EYS: variants seen among roughly 807,000 people sequenced by gnomAD.
EYS encodes the protein EGF-like photoreceptor maintenance factor.
In EYS, 250 loss-of-function variants were observed where a neutral mutation model predicts 282.1. The ratio of observed to expected loss-of-function variants is 0.89; its 90% CI spans 0.80 to 0.98. The LOEUF is 0.98. Ranked by LOEUF, EYS falls within the 50% of genes least tolerant of loss-of-function variation. The pLI, the probability that EYS is intolerant of heterozygous loss-of-function variation, is 0.00. For missense variants in EYS, 4,016 were observed against 3,709.0 expected, an observed-to-expected ratio of 1.08 and a Z score of -2.15; for synonymous variants, 1,355 against 1,282.9, an observed-to-expected ratio of 1.06 and a Z score of -1.20.
intron 2 of EYS, among the ~76,000 whole-genome samples, chr6:65,602,057 T>G (rs1461744679): frequency 3.3e-5 from 5 of 151,910 alleles, no homozygotes; most frequent in Non-Finnish European, 5.9e-5. Context: ...TCTTTCGCAG[T>G]GTGGATGCAT....
At chr6:64,130,539 A>G (rs9344753) in intron 31 of EYS, among the ~76,000 whole-genome samples, 40,754 of 151,880 alleles carry the variant, frequency 0.27, 5,610 homozygotes, top group East Asian at 0.43. Context: ...TGACGAGTTA[A>G]TGGGTGCTGC....
At chr6:64,374,263 C>T (rs34171177) in intron 29 of EYS, among the ~76,000 whole-genome samples, 98,869 of 144,610 alleles carry the variant, frequency 0.68, 34,025 homozygotes, top group Non-Finnish European at 0.71. Context: ...CAATCTAATA[C>T]GAGGCACCAC....
intron 22 of EYS, among the ~76,000 whole-genome samples, chr6:64,783,064 T>G (rs1773910282): frequency 6.6e-6 from 1 of 152,166 alleles, no homozygotes; most frequent in South Asian, 2.1e-4. Context: ...GGGACGTGAA[T>G]CATCCTTTTG....
chr6:65,590,769 T>C (rs1402860752), intron 2 of EYS, among the ~76,000 whole-genome samples: 1 of 151,996 alleles, frequency 6.6e-6, no homozygotes, highest in Non-Finnish European at 1.5e-5. Flanking sequence ...CATATTGTCC[T>C]CCAGGCAATT....
At chr6:64,495,628 A>C (rs1174603628) in intron 26 of EYS, among the ~76,000 whole-genome samples, 1 of 151,878 alleles carries the variant, frequency 6.6e-6, no homozygotes, top group African/African-American at 2.4e-5. Flanking sequence ...TTTGTTGTGG[A>C]AACAGTGTAA....
At chr6:64,923,267 G>A (rs528637414) in intron 15 of EYS, among the ~76,000 whole-genome samples, 3 of 152,102 alleles carry the variant, frequency 2.0e-5, no homozygotes, top group Non-Finnish European at 2.9e-5. Context: ...TAAGGAAGAA[G>A]CAAAAGGAAA....
chr6:65,626,524 A>C (rs1766697924), intron 2 of EYS, among the ~76,000 whole-genome samples: 1 of 152,156 alleles, frequency 6.6e-6, no homozygotes, highest in Non-Finnish European at 1.5e-5. Flanking sequence ...CAATGAATAA[A>C]CTAAACCTTA....
intron 35 of EYS, among the ~76,000 whole-genome samples, chr6:63,892,792 C>G (rs1562082836): frequency 6.6e-6 from 1 of 152,106 alleles, no homozygotes; most frequent in African/African-American, 2.4e-5. Context: ...AGTGAACAGG[C>G]AGCCTACAGA....
chr6:65,264,388 T>C (rs1767697607), intron 12 of EYS, among the ~76,000 whole-genome samples: 1 of 152,126 alleles, frequency 6.6e-6, no homozygotes, highest in Non-Finnish European at 1.5e-5. Context: ...CTTTTAAACA[T>C]GCAGAGAATG....
intron 31 of EYS, among the ~76,000 whole-genome samples, chr6:64,107,314 T>A (rs1377906559): frequency 6.0e-5 from 8 of 132,432 alleles, no homozygotes; most frequent in South Asian, 4.9e-4. Flanking sequence ...TATATATATA[T>A]AAAGGGGAGT....
At chr6:65,375,344 A>G (rs1765322178) in intron 8 of EYS, among the ~76,000 whole-genome samples, 1 of 152,158 alleles carries the variant, frequency 6.6e-6, no homozygotes, top group South Asian at 2.1e-4. Flanking sequence ...CATCAAAGTC[A>G]ATAAAAAGGA....
chr6:65,450,529 C>A (rs1422662194), intron 5 of EYS, among the ~76,000 whole-genome samples: 2 of 152,086 alleles, frequency 1.3e-5, no homozygotes, highest in Non-Finnish European at 2.9e-5. Flanking sequence ...ACTTAGCTGA[C>A]CCAGTGATTT....
At chr6:64,642,751 C>A (rs1204867496) in intron 22 of EYS, among the ~76,000 whole-genome samples, 1 of 152,222 alleles carries the variant, frequency 6.6e-6, no homozygotes, top group Non-Finnish European at 1.5e-5. Flanking sequence ...CTATTCTTTT[C>A]ATTCTCTCTA....
At chr6:63,817,622 G>A (rs1771212769) in intron 36 of EYS, among the ~76,000 whole-genome samples, 1 of 152,204 alleles carries the variant, frequency 6.6e-6, no homozygotes, top group South Asian at 2.1e-4. Context: ...GCATCTCAGA[G>A]CTAACCTGCA....
intron 28 of EYS, among the ~76,000 whole-genome samples, chr6:64,435,649 T>C (rs965787874): frequency 8.7e-5 from 13 of 149,672 alleles, no homozygotes; most frequent in African/African-American, 3.2e-4. Context: ...TTACTAAAAA[T>C]CAAATGAGAA....
At chr6:63,945,545 T>A (rs142833775) in intron 35 of EYS, among the ~76,000 whole-genome samples, 2 of 152,176 alleles carry the variant, frequency 1.3e-5, no homozygotes, top group Non-Finnish European at 2.9e-5. Context: ...CCTTAAACGA[T>A]CCTCCACACC....
chr6:64,920,834 A>G (rs146136268), intron 15 of EYS, among the ~76,000 whole-genome samples: 553 of 152,266 alleles, frequency 3.6e-3, no homozygotes, highest in Middle Eastern at 6.8e-3. Context: ...AGAGTGTTAC[A>G]TAAGCAAAGT....
intron 35 of EYS, among the ~76,000 whole-genome samples, chr6:63,881,009 CTT>C (rs781196598): frequency 1.4e-5 from 2 of 146,694 alleles, no homozygotes; most frequent in Non-Finnish European, 3.0e-5. Flanking sequence ...CTAGTTAACA[CTT>C]TTTTTTTTTG....
chr6:64,928,695 G>A (rs1262102683), intron 15 of EYS, among the ~76,000 whole-genome samples: 2 of 151,840 alleles, frequency 1.3e-5, no homozygotes, highest in African/African-American at 4.8e-5. Context: ...CTTAGATATA[G>A]TACTTTTTAA....
Sources: gnomAD v4.1 joint callset for allele counts (sites outside exome capture counted in the v4.1 genomes callset) on GRCh38, gnomAD v4.1.1 for gene constraint, MANE v1.5 for transcripts, NCBI Gene and HGNC (gene_info 2026-07-23, HGNC 2026-07-21) for gene names.